The following IL1RAPL2 variants were observed in gnomAD, a reference collection of about 807,000 sequenced individuals.
IL1RAPL2 encodes X-linked interleukin-1 receptor accessory protein-like 2.
In IL1RAPL2, 3 loss-of-function variants were observed where a neutral mutation model predicts 44.1. That is an observed-to-expected ratio of 0.07 (90% CI 0.03 to 0.18). IL1RAPL2 has a LOEUF of 0.18. Among genes scored for constraint, IL1RAPL2 ranks in the 10% least tolerant of loss-of-function variants. The pLI is 1.00. For missense variants in IL1RAPL2, 391 were observed against 496.4 expected, an observed-to-expected ratio of 0.79 and a Z score of 2.02; for synonymous variants, 181 against 178.8, an observed-to-expected ratio of 1.01 and a Z score of -0.10.
intron 4 of IL1RAPL2, among the ~76,000 whole-genome samples, chrX:105,245,596 T>C (rs1479964036): frequency 8.9e-6 from 1 of 112,771 alleles, no homozygotes; most frequent in Middle Eastern, 4.2e-3. Flanking sequence ...TATTCAATAA[T>C]GTTAGTGTTT....
chrX:105,000,876 G>C (rs1869097221), intron 2 of IL1RAPL2, among the ~76,000 whole-genome samples: 2 of 111,184 alleles, frequency 1.8e-5, no homozygotes, highest in Non-Finnish European at 3.8e-5. Context: ...GATATAATGA[G>C]AATTTTGGCT....
intron 2 of IL1RAPL2, among the ~76,000 whole-genome samples, chrX:104,913,816 CT>C (rs1364609182): frequency 4.5e-5 from 5 of 111,875 alleles, no homozygotes; most frequent in Non-Finnish European, 7.5e-5. Flanking sequence ...CACATTTCTT[CT>C]TTAAAAATGT....
intron 5 of IL1RAPL2, among the ~76,000 whole-genome samples, chrX:105,363,279 A>G (rs867648880): frequency 1.4e-4 from 11 of 75,964 alleles, no homozygotes; most frequent in East Asian, 6.6e-4. Context: ...ATATGTGTGT[A>G]TATATATATA....
chrX:105,586,920 T>C (rs1411807913), intron 6 of IL1RAPL2, among the ~76,000 whole-genome samples: 6 of 112,281 alleles, frequency 5.3e-5, no homozygotes, highest in Non-Finnish European at 1.1e-4. Context: ...TTCCTCAATT[T>C]AGAGAAAGTA....
rs969136427 is a variant in IL1RAPL2 at position 105,425,596 on chromosome X, C to CT, written c.698-58708dup. Among the ~76,000 whole-genome samples the CT allele has an allele frequency of 1.9e-4, 21 of 107,822 alleles. No individual in the cohort carries two copies. In the South Asian group the frequency reaches 2.0e-3, roughly 10 times the overall value. 93.6% of individuals were successfully genotyped at this position (107,822 alleles called of 115,157 possible). On this transcript the variant is annotated intron_variant, in intron 5 of 10. Coordinates refer to ENST00000372582, the MANE Select transcript of IL1RAPL2 (RefSeq NM_017416.2). ...AGTGTAACTTCCCTCTCATGTTATC[C>CT]TTTTTTTTTCCTTTGCTGATTCGTG...
chrX:105,531,525 T>C (rs1337335608), intron 6 of IL1RAPL2, among the ~76,000 whole-genome samples: 1 of 111,622 alleles, frequency 9.0e-6, no homozygotes, highest in Non-Finnish European at 1.9e-5. Flanking sequence ...TTGTTGGTTA[T>C]ATTTTTTTTG....
chrX:105,571,813 A>C (rs2037016137), intron 6 of IL1RAPL2, among the ~76,000 whole-genome samples: 1 of 111,258 alleles, frequency 9.0e-6, no homozygotes, highest in Non-Finnish European at 1.9e-5. Context: ...TGATGATAAA[A>C]CATGTCTACT....
chrX:104,977,487 C>G lies in IL1RAPL2; in HGVS notation c.83-217988C>G, dbSNP rs1460616190. Among the ~76,000 whole-genome samples the G allele has an allele frequency of 2.7e-5, 3 of 111,906 alleles. No individual in the cohort carries two copies. The East Asian group carries it at 8.4e-4, about 31-fold the overall frequency. On this transcript the variant is annotated intron_variant, in intron 2 of 10. Coordinates refer to ENST00000372582, the MANE Select transcript of IL1RAPL2 (RefSeq NM_017416.2). The stretch of plus-strand genomic sequence containing the variant: ...CACCATCTCTTGCCAATTGCTGCCT[C>G]TCCACTGATCACTGATTGCCGTCAT...
intron 2 of IL1RAPL2, among the ~76,000 whole-genome samples, chrX:104,819,424 C>T (rs1181821821): frequency 8.9e-6 from 1 of 111,937 alleles, no homozygotes; most frequent in African/African-American, 3.2e-5. Flanking sequence ...GACAAACTAT[C>T]CTGAATCAGA....
rs113176630 is a variant in IL1RAPL2 at position 105,439,593 on chromosome X, G to A, written c.698-44720G>A. ...ATGATACTAAGGAGACATTAAGTTA[G>A]GAGAACCTCCTTAACATTTTGTCTA... is the stretch of plus-strand genomic sequence containing the variant. On this transcript the variant is annotated intron_variant, in intron 5 of 10. Coordinates refer to ENST00000372582, the MANE Select transcript of IL1RAPL2 (RefSeq NM_017416.2). Among the ~76,000 whole-genome samples the A allele has an allele frequency of 2.7e-5, 3 of 109,970 alleles. No homozygotes were observed. In the Admixed American group the frequency reaches 2.9e-4, roughly 11 times the overall value.
chrX:104,612,406 C>T (rs1415155812), intron 1 of IL1RAPL2, among the ~76,000 whole-genome samples: 1 of 111,847 alleles, frequency 8.9e-6, no homozygotes, highest in Non-Finnish European at 1.9e-5. Context: ...ATATGGATAG[C>T]CACTTATCCC....
chrX:105,603,318 C>T (rs1047231870), intron 6 of IL1RAPL2, among the ~76,000 whole-genome samples: 2 of 107,683 alleles, frequency 1.9e-5, no homozygotes, highest in African/African-American at 6.7e-5. Context: ...CACACATACA[C>T]TGAAAGTGAA....
rs1202588081 is a variant in IL1RAPL2, at chrX:105,070,929, C to A, written c.83-124546C>A. On this transcript the variant is annotated intron_variant, in intron 2 of 10. Transcript: ENST00000372582. Reference sequence around the variant, plus strand: ...TCTTTGCATCCACTAAAATTTTCTGCAAGGTTGAAAGTGTTCTAAATCTGT... The same window carrying A: ...TCTTTGCATCCACTAAAATTTTCTGAAAGGTTGAAAGTGTTCTAAATCTGT... Among the ~76,000 whole-genome samples the A allele has an allele frequency of 2.7e-5, 3 of 110,864 alleles. No homozygotes were observed. The East Asian group carries it at 8.5e-4, about 31-fold the overall frequency.
intron 10 of IL1RAPL2, among the ~76,000 whole-genome samples, chrX:105,760,254 A>C (rs1262037406): frequency 3.6e-5 from 4 of 111,849 alleles, no homozygotes. Flanking sequence ...AACAAACAAA[A>C]AAACATAGTA....
At chrX:105,273,620 C>T (rs985271460) in intron 5 of IL1RAPL2, among the ~76,000 whole-genome samples, 4 of 111,795 alleles carry the variant, frequency 3.6e-5, no homozygotes, top group Non-Finnish European at 7.5e-5. Flanking sequence ...TTTCCCCACT[C>T]AGCTCATTAG....
At position 104,656,114 on chromosome X, in the gene IL1RAPL2, CA is replaced by C. The variant is rs766453435; in HGVS notation, c.-19-2775del. On this transcript the variant is annotated intron_variant, in intron 1 of 10. Transcript: ENST00000372582. Reference sequence around the variant, plus strand: ...GGTCTATCAATTTTTTTGATCTTTTCAAAAAACCAACCCCTGGATTCATTGA... The same window carrying C: ...GGTCTATCAATTTTTTTGATCTTTTCAAAAACCAACCCCTGGATTCATTGA... Among the ~76,000 whole-genome samples the C allele has an allele frequency of 4.2e-3, 466 of 110,730 alleles. 3 individuals carry two copies. The highest frequency in any genetic ancestry group is 6.9e-3 in the Non-Finnish European group (363 of 52,863).
chrX:105,321,779 A>G (rs1025289919), intron 5 of IL1RAPL2, among the ~76,000 whole-genome samples: 47 of 112,899 alleles, frequency 4.2e-4, no homozygotes, highest in African/African-American at 1.4e-3. Flanking sequence ...CATGATACAT[A>G]GGGTTACTGA....
At chrX:104,906,079 G>T (rs1923990526) in intron 2 of IL1RAPL2, among the ~76,000 whole-genome samples, 1 of 109,253 alleles carries the variant, frequency 9.2e-6, no homozygotes. Context: ...GTGAATGGGA[G>T]TTCACTCATG....
intron 5 of IL1RAPL2, among the ~76,000 whole-genome samples, chrX:105,451,891 TC>T (rs1296368222): frequency 9.0e-6 from 1 of 111,469 alleles, no homozygotes; most frequent in African/African-American, 3.3e-5. Context: ...TAGAGTTTTT[TC>T]CCTACTTATA....
Sources: gnomAD v4.1 joint callset for allele counts (sites outside exome capture counted in the v4.1 genomes callset) on GRCh38, gnomAD v4.1.1 for gene constraint, MANE v1.5 for transcripts, NCBI Gene and HGNC (gene_info 2026-07-23, HGNC 2026-07-21) for gene names.